KCNAB1: variants seen among roughly 807,000 people sequenced by gnomAD.
KCNAB1 encodes the protein voltage-gated potassium channel subunit beta-1.
KCNAB1 carries 35 observed loss-of-function variants against 64.6 expected under a neutral mutation model. That is an observed-to-expected ratio of 0.54 (90% confidence interval 0.41 to 0.72). The LOEUF (loss-of-function observed/expected upper bound fraction) is 0.72, where lower values mean the gene tolerates loss of function less well. Ranked by LOEUF, KCNAB1 falls within the 30% of genes least tolerant of loss-of-function variation. The probability of loss-of-function intolerance (pLI) is 0.00; values close to 1 mark genes in which losing one functional copy is unlikely to be tolerated. For synonymous variants in KCNAB1, 177 were observed against 183.8 expected, an observed-to-expected ratio of 0.96 and a Z score of 0.30; for missense variants, 401 against 512.9, an observed-to-expected ratio of 0.78 and a Z score of 2.11.
intron 2 of KCNAB1, among the ~76,000 whole-genome samples, chr3:156,423,486 CAGCTGTT>C (rs1280716384): frequency 2.6e-5 from 4 of 152,106 alleles, no homozygotes; most frequent in African/African-American, 9.7e-5. Flanking sequence ...GCAAAATCAT[CAGCTGTT>C]AGTGAGGATG....
At chr3:156,198,631 T>C (rs1237167076) in intron 1 of KCNAB1, among the ~76,000 whole-genome samples, 2 of 149,634 alleles carry the variant, frequency 1.3e-5, no homozygotes, top group African/African-American at 4.9e-5. Flanking sequence ...TTTTTTTTTT[T>C]TTTTTGCTTT....
intron 1 of KCNAB1, among the ~76,000 whole-genome samples, chr3:156,122,591 C>T (rs1713413037): frequency 6.6e-6 from 1 of 152,158 alleles, no homozygotes; most frequent in Admixed American, 6.5e-5. Flanking sequence ...AGACATGATC[C>T]AGAATTAATG....
rs138657568 is a variant in KCNAB1, at chr3:156,152,444, G to A, written c.275+31558G>A. Among the ~76,000 whole-genome samples, 17 of 152,354 alleles carry A rather than the reference G, an allele frequency of 1.1e-4. No homozygotes were observed. In the East Asian group the frequency reaches 3.3e-3, roughly 29 times the overall value. On this transcript the variant is annotated intron_variant, in intron 1 of 13. Transcript: ENST00000490337. ...ACCAGCTGGATTCAGAGTGACGGGA[G>A]TATGGATTCTGGCCTTAGCTTCTGG... is the stretch of plus-strand genomic sequence containing the variant.
chr3:156,310,784 A>G (rs1322232112), intron 1 of KCNAB1, among the ~76,000 whole-genome samples: 1 of 152,160 alleles, frequency 6.6e-6, no homozygotes, highest in Non-Finnish European at 1.5e-5. Flanking sequence ...AGCCTGGGTG[A>G]CAGAGCGGGA....
At chr3:156,373,277 G>A (rs1039744628) in intron 1 of KCNAB1, among the ~76,000 whole-genome samples, 1 of 152,152 alleles carries the variant, frequency 6.6e-6, no homozygotes, top group South Asian at 2.1e-4. Context: ...GCCGGGCCAG[G>A]GAAAAACACC....
chr3:156,326,831 T>G (rs1436791320), intron 1 of KCNAB1, among the ~76,000 whole-genome samples: 1 of 152,168 alleles, frequency 6.6e-6, no homozygotes, highest in Non-Finnish European at 1.5e-5. Context: ...ATTGTCTATC[T>G]CCTCACCCCA....
At chr3:156,538,791 A>G (rs1454011313), downstream of KCNAB1, 1 of 152,268 alleles carries the variant, frequency 6.6e-6, no homozygotes, top group Admixed American at 6.5e-5. Flanking sequence ...TGAGATTTAA[A>G]TTGCAATCCA....
At chr3:156,455,836 T>C (rs1481982018) in intron 3 of KCNAB1, among the ~76,000 whole-genome samples, 2 of 151,994 alleles carry the variant, frequency 1.3e-5, no homozygotes, top group African/African-American at 4.8e-5. Flanking sequence ...GGGGAAAGGG[T>C]GTTGCTCCTA....
intron 1 of KCNAB1, among the ~76,000 whole-genome samples, chr3:156,356,346 G>T (rs1208896344): frequency 6.6e-6 from 1 of 151,824 alleles, no homozygotes. Context: ...CATCAAGTAA[G>T]ACCAAGGTGA....
chr3:156,432,578 A>T (rs1559881859), intron 2 of KCNAB1, among the ~76,000 whole-genome samples: 2 of 152,212 alleles, frequency 1.3e-5, no homozygotes, highest in African/African-American at 2.4e-5. Flanking sequence ...GTAATGAGCA[A>T]TGGCTAAATT....
intron 1 of KCNAB1, among the ~76,000 whole-genome samples, chr3:156,312,011 A>T (rs1351518555): frequency 6.6e-6 from 1 of 152,154 alleles, no homozygotes; most frequent in Non-Finnish European, 1.5e-5. Flanking sequence ...CATTTTGTTT[A>T]TGTTACTTTT....
chr3:156,294,244 C>A (rs1346748541), intron 1 of KCNAB1, among the ~76,000 whole-genome samples: 1 of 152,186 alleles, frequency 6.6e-6, no homozygotes, highest in Non-Finnish European at 1.5e-5. Flanking sequence ...AAAGATAGTT[C>A]TCTAACAAAA....
intron 1 of KCNAB1, among the ~76,000 whole-genome samples, chr3:156,283,811 C>T (rs1458690962): frequency 6.6e-6 from 1 of 152,134 alleles, no homozygotes; most frequent in African/African-American, 2.4e-5. Context: ...TGGTTTTCAG[C>T]TCCATCAGCT....
intron 1 of KCNAB1, among the ~76,000 whole-genome samples, chr3:156,259,891 C>T (rs991824396): frequency 6.6e-6 from 1 of 152,190 alleles, no homozygotes; most frequent in Non-Finnish European, 1.5e-5. Flanking sequence ...CAGCCATTCT[C>T]CACTATTGCT....
chr3:156,283,398 AT>A (rs1206924795), intron 1 of KCNAB1, among the ~76,000 whole-genome samples: 1 of 149,978 alleles, frequency 6.7e-6, no homozygotes. Context: ...TGCCCTTAAC[AT>A]TTTTTCCTTC....
downstream of KCNAB1, chr3:156,538,811 T>TATCA (rs1553761669): frequency 7.9e-5 from 12 of 152,376 alleles, no homozygotes; most frequent in South Asian, 1.2e-3. Context: ...AAACATATTC[T>TATCA]ATCATCAATC....
intron 1 of KCNAB1, among the ~76,000 whole-genome samples, chr3:156,285,201 A>G (rs998424664): frequency 1.3e-5 from 2 of 152,252 alleles, no homozygotes; most frequent in Non-Finnish European, 2.9e-5. Context: ...ATTATTTTAC[A>G]GTAGTTGAAA....
At chr3:156,178,988 G>C (rs1378773865) in intron 1 of KCNAB1, among the ~76,000 whole-genome samples, 1 of 131,992 alleles carries the variant, frequency 7.6e-6, no homozygotes, top group African/African-American at 3.1e-5. Context: ...GAGACACAGC[G>C]AGACTCCGTC....
intron 1 of KCNAB1, among the ~76,000 whole-genome samples, chr3:156,140,433 G>A (rs773339464): frequency 6.6e-6 from 1 of 152,164 alleles, no homozygotes; most frequent in Non-Finnish European, 1.5e-5. Flanking sequence ...CCTCTTCCCG[G>A]TTGAAGGGCC....
Sources: gnomAD v4.1 joint callset for allele counts (sites outside exome capture counted in the v4.1 genomes callset) on GRCh38, gnomAD v4.1.1 for gene constraint, MANE v1.5 for transcripts, NCBI Gene and HGNC (gene_info 2026-07-23, HGNC 2026-07-21) for gene names.